Variants in MAML1 observed in about 807,000 individuals in gnomAD.
MAML1 encodes mastermind like transcriptional coactivator 1, also known as mastermind-like protein 1.
In MAML1, 14 loss-of-function variants were observed where a neutral mutation model predicts 77.1. The observed-to-expected ratio is 0.18, with a 90% CI of 0.12 to 0.28. The LOEUF (loss-of-function observed/expected upper bound fraction) is 0.28, where lower values mean the gene tolerates loss of function less well. MAML1 is among the 10% of genes least tolerant of loss of function. The probability of loss-of-function intolerance (pLI) is 1.00; values close to 1 mark genes in which losing one functional copy is unlikely to be tolerated. For missense variants in MAML1, 1,217 were observed against 1,327.8 expected, an observed-to-expected ratio of 0.92 and a Z score of 1.30; for synonymous variants, 516 against 551.9, an observed-to-expected ratio of 0.93 and a Z score of 0.91.
chr5:179,752,669 T>C (rs1487807107), intron 1 of MAML1, among the ~76,000 whole-genome samples: 2 of 141,012 alleles, frequency 1.4e-5, no homozygotes, highest in East Asian at 4.4e-4. Context: ...TGCAGTGGCG[T>C]GATCTCAGCT....
intron 1 of MAML1, among the ~76,000 whole-genome samples, chr5:179,745,140 C>G (rs1012078002): frequency 6.6e-6 from 1 of 151,828 alleles, no homozygotes; most frequent in East Asian, 2.0e-4. Context: ...CTCCTGACCT[C>G]GTGATCCGCC....
intron 1 of MAML1, among the ~76,000 whole-genome samples, chr5:179,757,814 A>G (rs1277296656): frequency 6.6e-6 from 1 of 152,192 alleles, no homozygotes; most frequent in Non-Finnish European, 1.5e-5. Flanking sequence ...CTATTTAACA[A>G]TTTTGTTTCT....
At chr5:179,738,392 T>C (rs1779214081) in intron 1 of MAML1, among the ~76,000 whole-genome samples, 1 of 152,202 alleles carries the variant, frequency 6.6e-6, no homozygotes, top group Admixed American at 6.5e-5. Context: ...GAAGTAGATA[T>C]TTCTGAATAT....
intron 1 of MAML1, among the ~76,000 whole-genome samples, chr5:179,757,061 C>CA (rs1324027772): frequency 6.6e-6 from 1 of 152,046 alleles, no homozygotes; most frequent in Non-Finnish European, 1.5e-5. Flanking sequence ...CTCAAGGAAC[C>CA]ACCCACCCGC....
chr5:179,741,097 C>T (rs951764137), intron 1 of MAML1, among the ~76,000 whole-genome samples: 1 of 152,250 alleles, frequency 6.6e-6, no homozygotes, highest in Admixed American at 6.5e-5. Flanking sequence ...TTCCCTTTTT[C>T]CTACCAAATC....
chr5:179,735,177 TAATAAATA>T (rs138502481), intron 1 of MAML1, among the ~76,000 whole-genome samples: 1 of 151,954 alleles, frequency 6.6e-6, no homozygotes, highest in Non-Finnish European at 1.5e-5. Context: ...AGTATGATAA[TAATAAATA>T]AATAAATAAA....
intron 1 of MAML1, among the ~76,000 whole-genome samples, chr5:179,751,669 C>T (rs1010440063): frequency 1.1e-4 from 17 of 152,024 alleles, no homozygotes; most frequent in Non-Finnish European, 1.5e-5. Flanking sequence ...CATGCCACTG[C>T]ACTCCAGCCT....
In MAML1 at chr5:179,775,349, G is replaced by A; in HGVS notation, c.*472G>A. 9.1e-6 allele frequency: 9 copies of A among 985,966 alleles called. No homozygotes were observed. The highest frequency in any genetic ancestry group is 1.7e-5 in the African/African-American group (1 of 57,364). 61.1% of individuals were successfully genotyped at this position (985,966 alleles called of 1,614,324 possible). On this transcript the variant is annotated 3_prime_UTR_variant, in exon 5 of 5. Transcript: ENST00000292599. Reference sequence around the variant, plus strand: ...AAGATTTTTAAATTTTTTTACAAAAGGTTTTTAAACAGATTAGGGTAGGTG... The same window carrying A: ...AAGATTTTTAAATTTTTTTACAAAAAGTTTTTAAACAGATTAGGGTAGGTG...
rs756012391 is a variant in MAML1 at position 179,765,329 on chromosome 5, C to T, written c.319C>T (p.Leu107Phe). ...CATTCTTTTCAATGTTTTTCAGCAT[C>T]TTCATGATACAGTTAAGAGGAATCT... ...GPEHGRPATHLHDTVKRNLDS... is the reference protein window; with the variant it reads ...GPEHGRPATHFHDTVKRNLDS... Residue 107 changes from leucine to phenylalanine, a missense_variant, in exon 2 of 5, where the codon CTT becomes TTT. By Grantham distance (22) the Leu-to-Phe change is conservative. Around this residue, in one of 3 missense-constraint regions of MAML1, gnomAD observed 312 missense variants for 331.4 expected, o/e 0.94. Coordinates refer to ENST00000292599, the MANE Select transcript of MAML1 (RefSeq NM_014757.5). The T allele has an allele frequency of 6.3e-7, 1 of 1,582,484 alleles. No individual in the cohort carries two copies. The highest frequency in any genetic ancestry group is 8.6e-7 in the Non-Finnish European group (1 of 1,166,104).
chr5:179,745,859 C>CA (rs36036714), intron 1 of MAML1, among the ~76,000 whole-genome samples: 15,738 of 63,348 alleles, frequency 0.25, 1,825 homozygotes, highest in Non-Finnish European at 0.29. Context: ...AACTCCGTCT[C>CA]AAAAAAAAAA....
chr5:179,761,443 T>C (rs538861826), intron 1 of MAML1, among the ~76,000 whole-genome samples: 1 of 152,036 alleles, frequency 6.6e-6, no homozygotes, highest in Non-Finnish European at 1.5e-5. Flanking sequence ...ACACCTGTAA[T>C]CCCAGCACTT....
In MAML1 at chr5:179,733,318, A is replaced by G; in HGVS notation, c.206A>G (p.Lys69Arg). Residue 69 changes from lysine to arginine, a missense_variant, in exon 1 of 5, where the codon AAG (lysine) becomes AGG (arginine). Lys to Arg is a conservative substitution (Grantham distance 26). Transcript: ENST00000292599. Reference protein sequence around the residue: ...LHQRCIQAKAKRAGKHRQPPA... With the variant: ...LHQRCIQAKARRAGKHRQPPA... ...CAGCGCTGCATCCAGGCCAAGGCCA[A>G]GCGCGCCGGGAAGCACAGGCAGCCG... 7.2e-7 allele frequency: 1 copy of G among 1,387,870 alleles called. No individual in the cohort carries two copies. Among genetic ancestry groups the G allele is most frequent in the Non-Finnish European group, 9.4e-7 (1 of 1,063,702 alleles). The allele number at this position is 1,387,870 out of a possible 1,614,324, so 86.0% of individuals were successfully genotyped here. A position where few individuals can be genotyped will look rare whatever the true frequency, so the allele number is the denominator to read the frequency against.
chr5:179,766,576 A>G lies in MAML1; in HGVS notation c.1566A>G (p.Lys522=). 2.5e-6 allele frequency: 4 copies of G among 1,611,324 alleles called. No individual in the cohort carries two copies. Among genetic ancestry groups the G allele is most frequent in the Non-Finnish European group, 3.4e-6 (4 of 1,178,140 alleles). ...YGNTKPLSHY[K]ADCGQGSPGS... is the part of the protein sequence containing the mutation. The stretch of plus-strand genomic sequence containing the variant: ...ATACAAAACCCCTTTCTCATTACAA[A>G]GCGGACTGTGGGCAAGGCAGCCCGG... Residue 522 remains lysine (K), a synonymous_variant, in exon 2 of 5, where the codon AAA becomes AAG. Coordinates refer to ENST00000292599, the MANE Select transcript of MAML1 (RefSeq NM_014757.5). This position sits in a 1 kb window ranked among gnomAD's most constrained non-coding sequence, Gnocchi z 4.0.
At chr5:179,740,907 ACT>A (rs1779270945) in intron 1 of MAML1, among the ~76,000 whole-genome samples, 1 of 151,396 alleles carries the variant, frequency 6.6e-6, no homozygotes, top group South Asian at 2.1e-4. Context: ...GGCCATTTTC[ACT>A]CTTTTTTTCC....
At chr5:179,759,599 G>T (rs1779687281) in intron 1 of MAML1, among the ~76,000 whole-genome samples, 1 of 152,180 alleles carries the variant, frequency 6.6e-6, no homozygotes, top group Admixed American at 6.5e-5. Flanking sequence ...TTCATGAAAT[G>T]GACCTACTTT....
intron 1 of MAML1, among the ~76,000 whole-genome samples, chr5:179,736,683 C>T (rs1411901898): frequency 1.3e-5 from 2 of 151,996 alleles, no homozygotes; most frequent in South Asian, 2.1e-4. Flanking sequence ...TTAGGGGGGC[C>T]GGGAGCAGTG....
At chr5:179,773,162 C>T (rs538960471) in intron 4 of MAML1, among the ~76,000 whole-genome samples, 2 of 152,308 alleles carry the variant, frequency 1.3e-5, no homozygotes, top group African/African-American at 4.8e-5. Context: ...GGATTACAGG[C>T]GTGAACCACC....
intron 1 of MAML1, among the ~76,000 whole-genome samples, chr5:179,759,668 A>G (rs1331700353): frequency 6.6e-6 from 1 of 152,180 alleles, no homozygotes; most frequent in Non-Finnish European, 1.5e-5. Context: ...ACTGGGAGAG[A>G]AATGTTGACC....
intron 4 of MAML1, among the ~76,000 whole-genome samples, chr5:179,773,210 C>T (rs1194263250): frequency 2.0e-5 from 3 of 152,210 alleles, no homozygotes; most frequent in African/African-American, 7.2e-5. Context: ...ACGCCATCCA[C>T]AGCTCTTCCC....
Sources: allele counts gnomAD v4.1 joint callset (sites outside exome capture counted in the v4.1 genomes callset), GRCh38; gene constraint gnomAD v4.1.1; regional missense constraint gnomAD v4.1.1; non-coding constraint Gnocchi (gnomAD v3.1); transcripts MANE v1.5; gene names NCBI Gene and HGNC (gene_info 2026-07-23, HGNC 2026-07-21).